WDR62: variants seen among roughly 807,000 people sequenced by gnomAD.
WDR62 encodes WD repeat domain 62.
A neutral mutation model predicts 160.6 loss-of-function variants in WDR62; 112 were observed. The observed-to-expected ratio is 0.70, with a 90% confidence interval of 0.60 to 0.82. The LOEUF is 0.82. WDR62 is among the 40% of genes least tolerant of loss of function. The pLI, the probability that WDR62 is intolerant of heterozygous loss-of-function variation, is 0.00. For missense variants in WDR62, 1,819 were observed against 1,983.8 expected, an observed-to-expected ratio of 0.92 and a Z score of 1.58; for synonymous variants, 792 against 815.1, an observed-to-expected ratio of 0.97 and a Z score of 0.48.
intron 11 of WDR62, 142 bp from the exon 12 acceptor site, chr19:36,084,511 A>C: frequency 1.3e-6 from 1 of 767,230 alleles, no homozygotes; most frequent in South Asian, 1.5e-5. Flanking sequence ...TAAATGAGAA[A>C]AGTGGTTGTG....
At chr19:36,060,396 A>G in intron 3 of WDR62, 1 of 281,276 alleles carries the variant, frequency 3.6e-6, no homozygotes, top group Non-Finnish European at 7.0e-6. Context: ...CTGAGACCTG[A>G]AGGAAGCGAG....
In WDR62 at chr19:36,103,251, G is replaced by T. The variant is rs45468494; in HGVS notation, c.3514+44G>T. On this transcript the variant is annotated intron_variant, in intron 29 of 31. Coordinates refer to ENST00000401500, the MANE Select transcript of WDR62 (RefSeq NM_001083961.2). ...GACGGACAGTCCTGGGTTTCTCGGCGAGTGGCCGGATGTCCAGCCTAGCTG... is the reference window on the plus strand; with the variant it reads ...GACGGACAGTCCTGGGTTTCTCGGCTAGTGGCCGGATGTCCAGCCTAGCTG... 1.9e-6 allele frequency: 3 copies of T among 1,611,864 alleles called. No individual in the cohort carries two copies. The South Asian group carries it at 3.3e-5, about 18-fold the overall frequency.
At chr19:36,077,900 T>C (rs572932494) in intron 9 of WDR62, among the ~76,000 whole-genome samples, 14 of 152,216 alleles carry the variant, frequency 9.2e-5, no homozygotes, top group African/African-American at 2.9e-4. Context: ...CTGACCTGAA[T>C]ATTCCTTATA....
intron 9 of WDR62, among the ~76,000 whole-genome samples, chr19:36,076,425 G>T (rs1041176699): frequency 3.3e-5 from 5 of 152,048 alleles, no homozygotes. Flanking sequence ...GGGCATGGTG[G>T]CAGGCGCCTG....
chr19:36,089,563 T>C (rs1599813753), intron 15 of WDR62, among the ~76,000 whole-genome samples: 1 of 152,350 alleles, frequency 6.6e-6, no homozygotes, highest in East Asian at 1.9e-4. Flanking sequence ...TGCCTCAGCC[T>C]CCCAAGTAGC....
At chr19:36,085,507 G>C (rs1024312361) in intron 12 of WDR62, among the ~76,000 whole-genome samples, 1 of 141,056 alleles carries the variant, frequency 7.1e-6, no homozygotes, top group Non-Finnish European at 1.5e-5. Context: ...TGCAACTTCC[G>C]CCTCCCAGGT....
intron 9 of WDR62, among the ~76,000 whole-genome samples, chr19:36,078,972 T>G (rs1971742131): frequency 6.6e-6 from 1 of 152,138 alleles, no homozygotes; most frequent in South Asian, 2.1e-4. Context: ...TTGTTCATTT[T>G]TATGTGATAC....
intron 10 of WDR62, among the ~76,000 whole-genome samples, 154 bp from the exon 11 acceptor site, chr19:36,082,909 G>C (rs1971984805): frequency 6.6e-6 from 1 of 152,242 alleles, no homozygotes; most frequent in African/African-American, 2.4e-5. Context: ...TCTAGCTGCA[G>C]GGGAGGCAAG....
chr19:36,103,671 A>G lies in WDR62; in HGVS notation c.3843A>G (p.Gln1281=). 2 of 1,610,364 alleles carry G rather than the reference A, an allele frequency of 1.2e-6. No individual in the cohort carries two copies. Among genetic ancestry groups the G allele is most frequent in the Non-Finnish European group, 1.7e-6 (2 of 1,179,996 alleles). Residue 1281 remains glutamine (Q), a synonymous_variant, in exon 30 of 32, where the codon CAA becomes CAG. Transcript: ENST00000401500. The stretch of plus-strand genomic sequence containing the variant: ...CACCCAGTTTGGACAGTGAGGGCCA[A>G]GAGCCTGCCCTGCGTTCCTGGGGCA... ...ATTPSLDSEG[Q]EPALRSWGNH...
rs749811803 is a variant in WDR62, at chr19:36,103,764, C to T, written c.3936C>T (p.Pro1312=). ...CCTGTGATGGGCTCCTGCAGCCCCC[C>T]GTGGATACCCAGCCTGGCGTCACCG... ...SSACDGLLQP[P]VDTQPGVTVP... is the part of the protein sequence containing the mutation. The change falls in exon 30 of 32, where the codon CCC becomes CCT. Residue 1312 remains proline, a synonymous_variant. Coordinates refer to ENST00000401500, the MANE Select transcript of WDR62 (RefSeq NM_001083961.2). 3.9e-5 allele frequency: 63 copies of T among 1,610,972 alleles called. No individual in the cohort carries two copies. Among genetic ancestry groups the T allele is most frequent in the Admixed American group, 1.0e-4 (6 of 60,018 alleles).
At chr19:36,059,009 G>A (rs754774884) in intron 2 of WDR62, 138 bp downstream of exon 2, 47 of 764,536 alleles carry the variant, frequency 6.1e-5, no homozygotes, top group Non-Finnish European at 9.3e-5. Context: ...TCTGAGAGCT[G>A]TGGAGAGGAT....
At position 36,090,521 on chromosome 19, in the gene WDR62, G is replaced by C; in HGVS notation, c.2034+1G>C. 1 of 1,614,070 alleles carries C rather than the reference G, an allele frequency of 6.2e-7. No individual in the cohort carries two copies. Among genetic ancestry groups the C allele is most frequent in the Non-Finnish European group, 8.5e-7 (1 of 1,179,976 alleles). Reference sequence around the variant, plus strand: ...GGGTGACGAAGGGTCCTTGCTGAAGGTGAGGAGTTGGAGACCCCTGTCTGT... The same window carrying C: ...GGGTGACGAAGGGTCCTTGCTGAAGCTGAGGAGTTGGAGACCCCTGTCTGT... On this transcript the variant is annotated splice_donor_variant, in intron 16 of 31. Coordinates refer to ENST00000401500, the MANE Select transcript of WDR62 (RefSeq NM_001083961.2). LOFTEE classifies it high-confidence loss of function.
intron 4 of WDR62, 117 bp from the exon 5 acceptor site, chr19:36,066,140 C>T (rs1970925515): frequency 6.3e-7 from 1 of 1,576,560 alleles, no homozygotes; most frequent in Non-Finnish European, 8.7e-7. Context: ...AGCCCTGTAG[C>T]AGATGGGGGA....
intron 15 of WDR62, among the ~76,000 whole-genome samples, chr19:36,089,989 G>A (rs563308940): frequency 2.0e-5 from 3 of 152,322 alleles, no homozygotes; most frequent in East Asian, 3.9e-4. Context: ...GAATGGACAC[G>A]GCCACCTCAC....
downstream of WDR62, among the ~76,000 whole-genome samples, chr19:36,106,779 G>A (rs569866292): frequency 2.1e-4 from 32 of 152,326 alleles, no homozygotes; most frequent in African/African-American, 6.7e-4. Context: ...TAAGTCCAAG[G>A]AATATCCAGA....
chr19:36,103,181 A>G lies in WDR62; in HGVS notation c.3488A>G (p.Glu1163Gly), dbSNP rs750604361. The G allele has an allele frequency of 1.9e-6, 3 of 1,613,868 alleles. No homozygotes were observed. Among genetic ancestry groups the G allele is most frequent in the Non-Finnish European group, 2.5e-6 (3 of 1,180,008 alleles). ...THVLAAGKAE[E>G]TLEAWRPPPP... is the part of the protein sequence containing the mutation. ...GTCCTCGCTGCAGGGAAGGCTGAAG[A>G]GACCCTGGAGGCCTGGCGCCCACCA... The change falls in exon 29 of 32, where the codon GAG becomes GGG. Residue 1163 changes from glutamate (E) to glycine (G), a missense_variant. Around this residue, in one of 3 missense-constraint regions of WDR62, gnomAD observed 770 missense variants for 734.2 expected, o/e 1.05. Coordinates refer to ENST00000401500, the MANE Select transcript of WDR62 (RefSeq NM_001083961.2).
chr19:36,100,974 G>A, intron 23 of WDR62, 99 bp downstream of exon 23: 2 of 1,581,778 alleles, frequency 1.3e-6, no homozygotes, highest in Non-Finnish European at 8.7e-7. Context: ...GTGGGCTTGT[G>A]GGAGTGGGGA....
intron 11 of WDR62, 51 bp downstream of exon 11, chr19:36,083,292 G>T (rs925290128): frequency 1.9e-6 from 3 of 1,547,758 alleles, no homozygotes; most frequent in Non-Finnish European, 2.6e-6. Flanking sequence ...TCCAGCTCAG[G>T]TTCTCAGGGC....
intron 10 of WDR62, among the ~76,000 whole-genome samples, chr19:36,082,334 G>C (rs371053755): frequency 2.0e-5 from 3 of 152,180 alleles, no homozygotes; most frequent in Admixed American, 6.5e-5. Flanking sequence ...AGCTTCCCGC[G>C]GAAGGGACAG....
Sources: allele counts gnomAD v4.1 joint callset (sites outside exome capture counted in the v4.1 genomes callset), GRCh38; gene constraint gnomAD v4.1.1; regional missense constraint gnomAD v4.1.1; transcripts MANE v1.5; gene names NCBI Gene and HGNC (gene_info 2026-07-23, HGNC 2026-07-21).